UBAC2: variants seen among roughly 807,000 people sequenced by gnomAD.
UBAC2 encodes UBA domain containing 2.
Under a neutral mutation model 44.0 loss-of-function variants are expected in UBAC2, and 26 were observed. The ratio of observed to expected loss-of-function variants is 0.59; its 90% CI spans 0.43 to 0.82. The LOEUF (loss-of-function observed/expected upper bound fraction) is 0.82. UBAC2 is among the 40% of genes least tolerant of loss of function. The pLI is 0.00. For missense variants in UBAC2, 329 were observed against 419.4 expected (o/e 0.78, Z 1.88); for synonymous variants, 155 against 154.3 (o/e 1.00, Z -0.04).
intron 7 of UBAC2, among the ~76,000 whole-genome samples, chr13:99,353,291 C>T (rs1385771521): frequency 6.6e-6 from 1 of 152,278 alleles, no homozygotes; most frequent in African/African-American, 2.4e-5. Flanking sequence ...TTATCTCAAT[C>T]TGTACCTCCT....
At chr13:99,227,185 C>T (rs541827014) in intron 1 of UBAC2, among the ~76,000 whole-genome samples, 368 of 150,518 alleles carry the variant, frequency 2.4e-3, no homozygotes, top group Non-Finnish European at 4.3e-3. Flanking sequence ...ACAACAAGAG[C>T]GAAACTCCAT....
At chr13:99,368,688 A>AGTGTGTGTGT (rs35193753) in intron 8 of UBAC2, among the ~76,000 whole-genome samples, 7,356 of 146,608 alleles carry the variant, frequency 0.05, 223 homozygotes, top group East Asian at 0.12. Context: ...CTCATGAGAG[A>AGTGTGTGTGT]GTGTGTGTGT....
chr13:99,364,471 TC>T (rs565205192), intron 7 of UBAC2, among the ~76,000 whole-genome samples: 71 of 151,922 alleles, frequency 4.7e-4, no homozygotes, highest in Middle Eastern at 3.4e-3. Flanking sequence ...GTATAATTTT[TC>T]TTGCTCATAA....
chr13:99,349,279 G>T (rs1441510893), intron 7 of UBAC2, among the ~76,000 whole-genome samples: 1 of 152,182 alleles, frequency 6.6e-6, no homozygotes, highest in East Asian at 1.9e-4. Context: ...AGATGTATCT[G>T]TTCTCTACCA....
intron 6 of UBAC2, among the ~76,000 whole-genome samples, chr13:99,324,158 T>C (rs1294722018): frequency 6.6e-6 from 1 of 152,228 alleles, no homozygotes; most frequent in Admixed American, 6.5e-5. Flanking sequence ...GCACTTAGTA[T>C]GTACCAGACA....
intron 8 of UBAC2, among the ~76,000 whole-genome samples, chr13:99,373,761 G>T (rs1054098975): frequency 6.6e-6 from 1 of 152,152 alleles, no homozygotes. Context: ...CTAGAAGCTG[G>T]ACAGAAAGGA....
At chr13:99,338,989 G>A (rs1273240603) in intron 6 of UBAC2, among the ~76,000 whole-genome samples, 1 of 152,038 alleles carries the variant, frequency 6.6e-6, no homozygotes, top group Non-Finnish European at 1.5e-5. Context: ...CCTTAGTCCT[G>A]TTCTCTCTTC....
chr13:99,240,399 G>C (rs1405883493), intron 2 of UBAC2, among the ~76,000 whole-genome samples: 1 of 152,134 alleles, frequency 6.6e-6, no homozygotes, highest in Non-Finnish European at 1.5e-5. Context: ...TGGGGTTCTA[G>C]AAATGCAGTT....
rs759778929 is a variant in UBAC2 at position 99,386,346 on chromosome 13, T to C, written c.*1011T>C. 1 of 152,310 alleles carries C rather than the reference T, an allele frequency of 6.6e-6. No homozygotes were observed. Among genetic ancestry groups the C allele is most frequent in the Admixed American group, 6.5e-5 (1 of 15,288 alleles). 9.4% of individuals were successfully genotyped at this position (152,310 alleles called of 1,614,324 possible). ...TGACTCTTGCAATGTGCAACTGTTA[T>C]GTTCTGCAAAATGAGCAACGATGTA... On this transcript the variant is annotated 3_prime_UTR_variant, in exon 9 of 9. Coordinates refer to ENST00000403766, the MANE Select transcript of UBAC2 (RefSeq NM_001144072.2).
chr13:99,227,301 T>C (rs1460037757), intron 1 of UBAC2, among the ~76,000 whole-genome samples: 1 of 152,088 alleles, frequency 6.6e-6, no homozygotes, highest in Non-Finnish European at 1.5e-5. Context: ...AAGGCTTGCA[T>C]CTCACTGGTG....
At chr13:99,372,151 C>T (rs1435950609) in intron 8 of UBAC2, 1 of 152,272 alleles carries the variant, frequency 6.6e-6, no homozygotes, top group Non-Finnish European at 1.5e-5. Flanking sequence ...GCTGCCTGGC[C>T]TGCTAGCTAG....
chr13:99,242,736 C>CTGGGG (rs1333863173), intron 2 of UBAC2, among the ~76,000 whole-genome samples: 1 of 148,592 alleles, frequency 6.7e-6, no homozygotes, highest in African/African-American at 2.5e-5. Flanking sequence ...CGGGGCTGAC[C>CTGGGG]CCCACCTCTC....
chr13:99,263,679 A>C (rs1194836940), intron 4 of UBAC2, among the ~76,000 whole-genome samples: 1 of 152,254 alleles, frequency 6.6e-6, no homozygotes, highest in Non-Finnish European at 1.5e-5. Flanking sequence ...ACCAGGAGAC[A>C]TGGACAAGAA....
intron 8 of UBAC2, among the ~76,000 whole-genome samples, chr13:99,383,749 C>T (rs1180425739): frequency 8.5e-5 from 13 of 152,340 alleles, no homozygotes; most frequent in South Asian, 2.1e-4. Flanking sequence ...CGGCACCCCC[C>T]GTTTGGAAAA....
intron 4 of UBAC2, among the ~76,000 whole-genome samples, chr13:99,306,403 G>T (rs1392624223): frequency 6.6e-6 from 1 of 151,394 alleles, no homozygotes; most frequent in Non-Finnish European, 1.5e-5. Flanking sequence ...TAACTTGTGT[G>T]TGGGGGGGCC....
rs184902762 is a variant in UBAC2 at position 99,244,979 on chromosome 13, C to T, written c.389+355C>T. On this transcript the variant is annotated intron_variant, in intron 4 of 8. Coordinates refer to ENST00000403766, the MANE Select transcript of UBAC2 (RefSeq NM_001144072.2). ...TCCCAAGTAGCTGGGACTACAGGCA[C>T]GTGCCACCATGCCTGGCTAATTTTT... Among the ~76,000 whole-genome samples, 189 of 152,080 alleles carry T rather than the reference C, an allele frequency of 1.2e-3. 2 individuals are homozygous for T. Among genetic ancestry groups the T allele is most frequent in the Non-Finnish European group, 1.3e-4 (9 of 67,966 alleles).
At position 99,330,044 on chromosome 13, in the gene UBAC2, A is replaced by G. The variant is rs550767733; in HGVS notation, c.562-10276A>G. Among the ~76,000 whole-genome samples the G allele has an allele frequency of 6.6e-5, 10 of 152,302 alleles. No individual in the cohort carries two copies. In the South Asian group the frequency reaches 8.3e-4, roughly 13 times the overall value. On this transcript the variant is annotated intron_variant, in intron 6 of 8. Coordinates refer to ENST00000403766, the MANE Select transcript of UBAC2 (RefSeq NM_001144072.2). ...CCCCTTTGCAATTTTTAAATTTTCA[A>G]TGTACAGGTCTTGCACATCTTTCAT...
At chr13:99,346,129 C>G (rs2044976520) in intron 7 of UBAC2, among the ~76,000 whole-genome samples, 1 of 152,200 alleles carries the variant, frequency 6.6e-6, no homozygotes, top group Non-Finnish European at 1.5e-5. Flanking sequence ...AAGTCCAAAC[C>G]TAGGGTTTCA....
chr13:99,276,001 T>C (rs2043877118), intron 4 of UBAC2, among the ~76,000 whole-genome samples: 1 of 152,236 alleles, frequency 6.6e-6, no homozygotes, highest in African/African-American at 2.4e-5. Flanking sequence ...TAACATTTAC[T>C]AATAAACCTT....
Sources: gnomAD v4.1 joint callset for allele counts (sites outside exome capture counted in the v4.1 genomes callset) on GRCh38, gnomAD v4.1.1 for gene constraint, MANE v1.5 for transcripts, NCBI Gene and HGNC (gene_info 2026-07-23, HGNC 2026-07-21) for gene names.